CEP128: variants seen among roughly 807,000 people sequenced by gnomAD.
The protein encoded by CEP128 is centrosomal protein 128.
A neutral mutation model predicts 156.7 loss-of-function variants in CEP128; 132 were observed. The ratio of observed to expected loss-of-function variants is 0.84; its 90% CI spans 0.73 to 0.97. The LOEUF is 0.97. CEP128 is among the 50% of genes least tolerant of loss of function. The probability of loss-of-function intolerance (pLI) is 0.00; values close to 1 mark genes in which losing one functional copy is unlikely to be tolerated. For synonymous variants in CEP128, 469 were observed against 448.9 expected (o/e 1.04, Z -0.57); for missense variants, 1,252 against 1,281.9 (o/e 0.98, Z 0.36).
At chr14:80,948,500 G>A (rs751458989) in intron 2 of CEP128, among the ~76,000 whole-genome samples, 5 of 152,170 alleles carry the variant, frequency 3.3e-5, no homozygotes, top group Admixed American at 6.5e-5. Flanking sequence ...CTGTAGTTAA[G>A]CAATATAACT....
At chr14:80,724,942 AT>A (rs1897957143) in intron 19 of CEP128, among the ~76,000 whole-genome samples, 1 of 148,054 alleles carries the variant, frequency 6.8e-6, no homozygotes, top group Non-Finnish European at 1.5e-5. Flanking sequence ...CTATATATAT[AT>A]ATCATACATT....
At chr14:80,720,747 GT>G (rs1897786678) in intron 19 of CEP128, among the ~76,000 whole-genome samples, 1 of 152,130 alleles carries the variant, frequency 6.6e-6, no homozygotes, top group Admixed American at 6.5e-5. Context: ...CTTGGTCTAG[GT>G]AGCGGAAACG....
intron 20 of CEP128, among the ~76,000 whole-genome samples, chr14:80,569,835 G>A (rs1265030194): frequency 6.6e-6 from 1 of 152,070 alleles, no homozygotes; most frequent in Non-Finnish European, 1.5e-5. Flanking sequence ...AGACAGGTTG[G>A]TCAGCTTACA....
intron 23 of CEP128, among the ~76,000 whole-genome samples, chr14:80,515,491 T>C (rs149583259): frequency 0.014 from 2,137 of 152,306 alleles, 31 homozygotes; most frequent in Middle Eastern, 0.034. Context: ...CCCAGGCCCA[T>C]GATGAGTACT....
At chr14:80,584,093 AT>A (rs1435623351) in intron 19 of CEP128, among the ~76,000 whole-genome samples, 7 of 150,418 alleles carry the variant, frequency 4.7e-5, no homozygotes, top group Non-Finnish European at 1.0e-4. Flanking sequence ...ACTTGTCTGT[AT>A]TCTTCTGACC....
At chr14:80,565,081 G>T (rs1050584118) in intron 20 of CEP128, among the ~76,000 whole-genome samples, 2 of 152,000 alleles carry the variant, frequency 1.3e-5, no homozygotes, top group Non-Finnish European at 2.9e-5. Context: ...AAAGAGAAAG[G>T]AAATTACAAT....
chr14:80,700,302 A>T (rs565292048), intron 19 of CEP128, among the ~76,000 whole-genome samples: 4 of 152,222 alleles, frequency 2.6e-5, no homozygotes, highest in African/African-American at 9.6e-5. Context: ...TTACTCACTC[A>T]GATGCAAGGT....
chr14:80,689,900 T>C (rs976719419), intron 19 of CEP128, among the ~76,000 whole-genome samples: 1 of 152,050 alleles, frequency 6.6e-6, no homozygotes, highest in Admixed American at 6.6e-5. Context: ...CAAACTAGTA[T>C]CTCTTATGGA....
At chr14:80,497,860 G>A (rs892049596) in intron 24 of CEP128, among the ~76,000 whole-genome samples, 7 of 152,020 alleles carry the variant, frequency 4.6e-5, no homozygotes, top group Non-Finnish European at 7.4e-5. Context: ...AAACCACACC[G>A]GTGTGCACGT....
chr14:80,832,697 G>A (rs1316013530), intron 12 of CEP128, among the ~76,000 whole-genome samples: 1 of 152,190 alleles, frequency 6.6e-6, no homozygotes, highest in Non-Finnish European at 1.5e-5. Flanking sequence ...AGGAGTTGGG[G>A]TGTTTTTAGG....
chr14:80,785,160 T>A lies in CEP128; in HGVS notation c.1946A>T (p.Asn649Ile). 6.2e-7 allele frequency: 1 copy of A among 1,614,192 alleles called. No individual in the cohort carries two copies. Among genetic ancestry groups the A allele is most frequent in the Non-Finnish European group, 8.5e-7 (1 of 1,180,006 alleles). Residue 649 changes from asparagine (N) to isoleucine (I), a missense_variant, in exon 15 of 25, where the codon AAT becomes ATT. Transcript: ENST00000555265. The part of the protein sequence containing the change: ...DLSAIRADLA[N>I]KLAEEERAKK... ...GGCTCTCTCTTCCTCAGCCAATTTA[T>A]TAGCAAGATCTGCTCGGATGGCACT...
At chr14:80,704,918 A>G (rs1897190528) in intron 19 of CEP128, among the ~76,000 whole-genome samples, 1 of 152,192 alleles carries the variant, frequency 6.6e-6, no homozygotes, top group South Asian at 2.1e-4. Context: ...CATTACTCCA[A>G]TCATCATCAA....
intron 19 of CEP128, among the ~76,000 whole-genome samples, chr14:80,740,489 T>C (rs1028832058): frequency 7.2e-6 from 1 of 139,678 alleles, no homozygotes; most frequent in East Asian, 2.1e-4. Context: ...GATTCATATT[T>C]ATATCTAGAT....
At chr14:80,900,499 T>C (rs1257491581) in intron 6 of CEP128, among the ~76,000 whole-genome samples, 1 of 152,200 alleles carries the variant, frequency 6.6e-6, no homozygotes, top group Non-Finnish European at 1.5e-5. Context: ...AAAATTTTAT[T>C]CTATCAGCCT....
intron 19 of CEP128, among the ~76,000 whole-genome samples, chr14:80,650,538 G>A (rs201231408): frequency 6.6e-6 from 1 of 152,272 alleles, no homozygotes; most frequent in Admixed American, 6.5e-5. Context: ...CATTCAGTAC[G>A]ATATTGGCTG....
intron 18 of CEP128, among the ~76,000 whole-genome samples, chr14:80,751,845 G>A (rs891152820): frequency 3.9e-5 from 6 of 151,998 alleles, no homozygotes; most frequent in Non-Finnish European, 8.8e-5. Flanking sequence ...TGGTCAGGCT[G>A]GTCTCGAACT....
At chr14:80,534,028 GCAA>G (rs1491001334) in intron 21 of CEP128, among the ~76,000 whole-genome samples, 1 of 152,170 alleles carries the variant, frequency 6.6e-6, no homozygotes, top group Non-Finnish European at 1.5e-5. Flanking sequence ...TAGGGCATTT[GCAA>G]CAACAAGATG....
chr14:80,927,459 C>T (rs1885213512), intron 2 of CEP128, among the ~76,000 whole-genome samples: 1 of 152,208 alleles, frequency 6.6e-6, no homozygotes, highest in Admixed American at 6.5e-5. Context: ...CATAACACTT[C>T]AGGGTGACTG....
intron 12 of CEP128, among the ~76,000 whole-genome samples, chr14:80,835,907 T>C (rs1566660419): frequency 6.6e-6 from 1 of 152,198 alleles, no homozygotes; most frequent in Non-Finnish European, 1.5e-5. Flanking sequence ...GCACGTATAT[T>C]TGGGCATGGG....
Sources: gnomAD v4.1 joint callset for allele counts (sites outside exome capture counted in the v4.1 genomes callset) on GRCh38, gnomAD v4.1.1 for gene constraint, MANE v1.5 for transcripts, NCBI Gene and HGNC (gene_info 2026-07-23, HGNC 2026-07-21) for gene names.